PER3: variants seen among roughly 807,000 people sequenced by gnomAD.
PER3 encodes period circadian protein homolog 3.
PER3 carries 107 observed loss-of-function variants against 127.2 expected under a neutral mutation model. The ratio of observed to expected loss-of-function variants is 0.84; its 90% CI spans 0.72 to 0.99. PER3 has a LOEUF of 0.99. PER3 is among the 50% of genes least tolerant of loss of function. The pLI is 0.00. For missense variants in PER3, 1,560 were observed against 1,525.8 expected, an observed-to-expected ratio of 1.02 and a Z score of -0.37; for synonymous variants, 618 against 585.8, an observed-to-expected ratio of 1.05 and a Z score of -0.79.
At chr1:7,821,613 A>G (rs969591257) in intron 16 of PER3, among the ~76,000 whole-genome samples, 1 of 152,186 alleles carries the variant, frequency 6.6e-6, no homozygotes, top group African/African-American at 2.4e-5. Flanking sequence ...ACCCAATATG[A>G]AAAGCTCTTT....
rs535234146 is a variant in PER3, at chr1:7,784,390, C to A, written c.-225+14C>A. 1.4e-3 allele frequency: 212 copies of A among 148,950 alleles called. 1 individual carries two copies. Among genetic ancestry groups the A allele is most frequent in the Admixed American group, 2.6e-3 (39 of 14,868 alleles). The allele number at this position is 148,950 out of a possible 1,614,324, so 9.2% of individuals were successfully genotyped here. A position where few individuals can be genotyped will look rare whatever the true frequency, so the allele number is the denominator to read the frequency against. On this transcript the variant is annotated intron_variant, in intron 1 of 21. Coordinates refer to ENST00000377532, the MANE Select transcript of PER3 (RefSeq NM_001377275.1). ...CGGGGGCAGCAGGTGAGTGCGCGGC[C>A]GGGCGGGAGTTCTGGGCGGCCGGGC... is the stretch of plus-strand genomic sequence containing the variant.
At chr1:7,839,375 A>C (rs568821186) in intron 21 of PER3, among the ~76,000 whole-genome samples, 1 of 152,368 alleles carries the variant, frequency 6.6e-6, no homozygotes, top group South Asian at 2.1e-4. Flanking sequence ...TTAAAATAAT[A>C]CTGGATTTTA....
Position 7,842,771 on chromosome 1 carries a change from AACCTTCAT to A in PER3, c.*20_*27del. 1 of 1,609,848 alleles carries A rather than the reference AACCTTCAT, an allele frequency of 6.2e-7. No homozygotes were observed. ...CAGCTGTTGAGTGACTGTGAGGATG[AACCTTCAT>A]ACCCTTTCCAAGACGTGTTACACAG... On this transcript the variant is annotated 3_prime_UTR_variant, in exon 22 of 22. Coordinates refer to ENST00000377532, the MANE Select transcript of PER3 (RefSeq NM_001377275.1).
intron 6 of PER3, 59 bp downstream of exon 6, chr1:7,794,067 C>A: frequency 7.2e-7 from 1 of 1,397,968 alleles, no homozygotes; most frequent in Non-Finnish European, 1.0e-6. Context: ...GTTTATTTTG[C>A]AGTTGGTTTG....
At chr1:7,787,677 G>A (rs2097098616) in intron 4 of PER3, 2 of 329,876 alleles carry the variant, frequency 6.1e-6, no homozygotes, top group African/African-American at 2.1e-5. Context: ...ACAGCTTCTT[G>A]AAGAAGGTGA....
chr1:7,784,953 C>T lies in PER3; in HGVS notation c.76C>T (p.Arg26Trp), dbSNP rs536029246. 7 of 1,544,440 alleles carry T rather than the reference C, an allele frequency of 4.5e-6. No individual in the cohort carries two copies. In the South Asian group the frequency reaches 8.7e-5, roughly 19 times the overall value. The part of the protein sequence containing the change: ...DEALGEESGE[R>W]WSPEFHLQRK... The stretch of plus-strand genomic sequence containing the variant: ...GGCCCTGGGCGAAGAATCGGGGGAG[C>T]GGTGGAGCCCCGAGTTCCATCTGCA... The change falls in exon 2 of 22, where the codon CGG becomes TGG. Residue 26 changes from arginine (R) to tryptophan (W), a missense_variant. Arg to Trp is a moderately radical substitution (Grantham distance 101). This residue lies in a region of PER3 where 1,332 missense variants were observed against 1,223.6 expected (regional missense o/e 1.09). Coordinates refer to ENST00000377532, the MANE Select transcript of PER3 (RefSeq NM_001377275.1).
rs1426872050 is a variant in PER3, at chr1:7,835,856, A to G, written c.3309A>G (p.Glu1103=). Residue 1103 remains glutamate, a synonymous_variant, in exon 20 of 22, where the codon GAA becomes GAG. Transcript: ENST00000377532. ...GQQSQDVQKK[E]TFPNVAEEPI... ...AATCTCAGGACGTACAGAAAAAAGAAACATTTCCTAATGTCGCCGAAGAGC... is the reference window on the plus strand; with the variant it reads ...AATCTCAGGACGTACAGAAAAAAGAGACATTTCCTAATGTCGCCGAAGAGC... The G allele has an allele frequency of 6.2e-7, 1 of 1,612,410 alleles. No homozygotes were observed. The highest frequency in any genetic ancestry group is 1.3e-5 in the African/African-American group (1 of 74,918).
chr1:7,840,915 T>C (rs1371727041), intron 21 of PER3, among the ~76,000 whole-genome samples: 1 of 152,228 alleles, frequency 6.6e-6, no homozygotes, highest in Admixed American at 6.5e-5. Context: ...ACCAGTTCTT[T>C]GATCATCTTT....
intron 6 of PER3, among the ~76,000 whole-genome samples, chr1:7,794,309 A>G (rs1485154755): frequency 2.0e-5 from 3 of 152,164 alleles, no homozygotes; most frequent in Non-Finnish European, 2.9e-5. Context: ...CCTGGCCAAC[A>G]TGGTGAAACG....
intron 21 of PER3, among the ~76,000 whole-genome samples, chr1:7,838,888 G>A (rs182238261): frequency 1.8e-4 from 28 of 152,176 alleles, no homozygotes; most frequent in Non-Finnish European, 3.1e-4. Context: ...TTTCAAAATC[G>A]GTTCAGTCAA....
chr1:7,832,939 A>G (rs2097340093), intron 19 of PER3, among the ~76,000 whole-genome samples: 1 of 151,886 alleles, frequency 6.6e-6, no homozygotes, highest in Non-Finnish European at 1.5e-5. Context: ...TCTGGGTTCA[A>G]CAATCCTCTG....
intron 4 of PER3, 60 bp from the exon 5 acceptor site, chr1:7,787,985 T>C (rs1457412536): frequency 8.9e-6 from 11 of 1,240,422 alleles, no homozygotes; most frequent in Non-Finnish European, 1.2e-5. Context: ...AATTTACCTT[T>C]CAGGGAATAT....
In PER3 at chr1:7,784,639, G is replaced by C; in HGVS notation, c.-224-15G>C. On this transcript the variant is annotated splice_polypyrimidine_tract_variant and intron_variant, in intron 1 of 21. Coordinates refer to ENST00000377532, the MANE Select transcript of PER3 (RefSeq NM_001377275.1). ...GTTCCATTTGTCCCTTGTCACCCTT[G>C]TCTCCTCCCCCTAGGCCGGAGTCCT... is the stretch of plus-strand genomic sequence containing the variant. 1 of 415,486 alleles carries C rather than the reference G, an allele frequency of 2.4e-6. No homozygotes were observed. Among genetic ancestry groups the C allele is most frequent in the Non-Finnish European group, 4.2e-6 (1 of 235,980 alleles). 25.7% of individuals were successfully genotyped at this position (415,486 alleles called of 1,614,324 possible). A position where few individuals can be genotyped will look rare whatever the true frequency, so the allele number is the denominator to read the frequency against.
intron 5 of PER3, among the ~76,000 whole-genome samples, chr1:7,789,151 A>G (rs2097106913): frequency 6.6e-6 from 1 of 150,822 alleles, no homozygotes; most frequent in Non-Finnish European, 1.5e-5. Context: ...ATATATATAT[A>G]TATATATCAG....
At chr1:7,818,281 G>A (rs1317501573) in intron 13 of PER3, among the ~76,000 whole-genome samples, 1 of 152,148 alleles carries the variant, frequency 6.6e-6, no homozygotes, top group African/African-American at 2.4e-5. Context: ...GAACTCTATT[G>A]TACTATTTTT....
At chr1:7,839,035 C>G (rs1288567845) in intron 21 of PER3, among the ~76,000 whole-genome samples, 5 of 152,048 alleles carry the variant, frequency 3.3e-5, no homozygotes, top group Non-Finnish European at 5.9e-5. Context: ...TGCTGCATTA[C>G]TGTCATCTTT....
At chr1:7,814,461 C>G (rs748473299) in intron 13 of PER3, among the ~76,000 whole-genome samples, 55 of 152,108 alleles carry the variant, frequency 3.6e-4, no homozygotes, top group Non-Finnish European at 7.4e-4. Context: ...GAAAAACTGT[C>G]AGCACAGAAT....
rs765023682 is a variant in PER3 at position 7,827,612 on chromosome 1, A to T, written c.2683A>T (p.Met895Leu). 6.2e-7 allele frequency: 1 copy of T among 1,614,174 alleles called. No homozygotes were observed. Among genetic ancestry groups the T allele is most frequent in the Admixed American group, 1.7e-5 (1 of 60,022 alleles). Reference protein sequence around the residue: ...SAISPSMSSAMSPTLDPPPSV... With the variant: ...SAISPSMSSALSPTLDPPPSV... ...GATATCACCCTCAATGTCGTCAGCA[A>T]TGAGTCCAACTCTGGACCCACCCCC... Residue 895 changes from methionine to leucine, a missense_variant, in exon 18 of 22, where the codon ATG (methionine) becomes TTG (leucine). By Grantham distance (15) the Met-to-Leu change is conservative (BLOSUM62 2). Around this residue, in one of 3 missense-constraint regions of PER3, gnomAD observed 1,332 missense variants for 1,223.6 expected, o/e 1.09. Transcript: ENST00000377532.
chr1:7,803,467 A>G (rs2097179598), intron 9 of PER3, among the ~76,000 whole-genome samples: 1 of 151,606 alleles, frequency 6.6e-6, no homozygotes, highest in South Asian at 2.1e-4. Context: ...GCACGCCTGT[A>G]ATCTCAGCTA....
Sources: allele counts gnomAD v4.1 joint callset (sites outside exome capture counted in the v4.1 genomes callset), GRCh38; gene constraint gnomAD v4.1.1; regional missense constraint gnomAD v4.1.1; transcripts MANE v1.5; gene names NCBI Gene and HGNC (gene_info 2026-07-23, HGNC 2026-07-21).